Variants in TUBD1 observed in about 807,000 individuals in gnomAD.
The protein encoded by TUBD1 is tubulin delta chain.
Under a neutral mutation model 51.2 loss-of-function variants are expected in TUBD1, and 38 were observed. The ratio of observed to expected loss-of-function variants is 0.74; its 90% CI spans 0.57 to 0.97. The LOEUF (loss-of-function observed/expected upper bound fraction) is 0.97. Among genes scored for constraint, TUBD1 ranks in the 50% least tolerant of loss-of-function variants. TUBD1 has a pLI of 0.00. For synonymous variants in TUBD1, 169 were observed against 178.2 expected (o/e 0.95, Z 0.41); for missense variants, 489 against 538.4 (o/e 0.91, Z 0.91).
intron 5 of TUBD1, among the ~76,000 whole-genome samples, chr17:59,876,392 A>T (rs982399503): frequency 8.2e-6 from 1 of 121,800 alleles, no homozygotes; most frequent in Non-Finnish European, 1.7e-5. Context: ...TTTCGCTCTT[A>T]TTGCTCAGGC....
intron 5 of TUBD1, among the ~76,000 whole-genome samples, chr17:59,876,321 G>A (rs2040220884): frequency 1.3e-5 from 2 of 151,374 alleles, no homozygotes; most frequent in Admixed American, 6.6e-5. Context: ...TGAGATTATA[G>A]GTGCACACCA....
chr17:59,888,020 C>T (rs893205958), intron 2 of TUBD1, among the ~76,000 whole-genome samples: 3 of 151,840 alleles, frequency 2.0e-5, no homozygotes, highest in East Asian at 1.9e-4. Flanking sequence ...CTGCAAGCTC[C>T]GCCTCCTGGG....
intron 3 of TUBD1, chr17:59,885,697 T>C: frequency 1.7e-6 from 1 of 602,808 alleles, no homozygotes; most frequent in Non-Finnish European, 2.9e-6. Flanking sequence ...TCTCTCAAAG[T>C]GAGCCCTAGG....
intron 5 of TUBD1, among the ~76,000 whole-genome samples, chr17:59,875,073 CTTT>C (rs10679203): frequency 2.3e-5 from 2 of 87,290 alleles, no homozygotes; most frequent in Admixed American, 1.6e-4. Flanking sequence ...TTGTTATATT[CTTT>C]TTTTTTTTTT....
intron 6 of TUBD1, among the ~76,000 whole-genome samples, chr17:59,868,703 G>GC (rs2039833810): frequency 6.6e-6 from 1 of 152,044 alleles, no homozygotes; most frequent in Non-Finnish European, 1.5e-5. Flanking sequence ...TGGGCGTGGT[G>GC]GCACACGCCT....
intron 6 of TUBD1, among the ~76,000 whole-genome samples, chr17:59,867,520 C>A (rs2039763718): frequency 7.1e-6 from 1 of 140,542 alleles, no homozygotes; most frequent in Non-Finnish European, 1.5e-5. Flanking sequence ...CCAGCCTGGA[C>A]AAAATAGCAG....
intron 6 of TUBD1, among the ~76,000 whole-genome samples, chr17:59,868,249 A>G (rs2039804153): frequency 7.4e-6 from 1 of 134,706 alleles, no homozygotes; most frequent in African/African-American, 3.0e-5. Context: ...ATGCCACTGC[A>G]CTCCACCCTG....
At chr17:59,865,954 T>C (rs910864340) in intron 7 of TUBD1, among the ~76,000 whole-genome samples, 3 of 151,558 alleles carry the variant, frequency 2.0e-5, no homozygotes, top group Non-Finnish European at 4.4e-5. Context: ...CTACTAAAAA[T>C]ACAAAAATTA....
intron 6 of TUBD1, 82 bp downstream of exon 6, chr17:59,874,457 G>A (rs2144501711): frequency 2.8e-6 from 4 of 1,403,968 alleles, no homozygotes; most frequent in Non-Finnish European, 2.9e-6. Context: ...TATTTAAACT[G>A]GTCCAAGCCA....
chr17:59,883,282 T>C (rs2040572257), intron 3 of TUBD1, among the ~76,000 whole-genome samples: 1 of 151,446 alleles, frequency 6.6e-6, no homozygotes, highest in South Asian at 2.1e-4. Flanking sequence ...TTTTTAATAT[T>C]TTTTGAGATG....
rs76112765 is a variant in TUBD1 at position 59,890,847 on chromosome 17, A to G, written c.156T>C (p.Ser52=). The stretch of plus-strand genomic sequence containing the variant: ...CACACCTACCTCCATTCTCCTCCTC[A>G]CTGAAGAATCTTTCTTTGCAAGATG... ...YQASCKERFF[S]EEENGVPIAR... The change falls in exon 2 of 9, where the codon AGT becomes AGC. Residue 52 remains serine (S), a synonymous_variant. Coordinates refer to ENST00000325752, the MANE Select transcript of TUBD1 (RefSeq NM_016261.4). 4.4e-3 allele frequency: 7,167 copies of G among 1,612,772 alleles called. 272 individuals are homozygous for G. The African/African-American group carries it at 0.082, about 19-fold the overall frequency.
At chr17:59,880,122 A>G (rs1024315647) in intron 4 of TUBD1, among the ~76,000 whole-genome samples, 4 of 151,612 alleles carry the variant, frequency 2.6e-5, no homozygotes, top group Non-Finnish European at 4.4e-5. Flanking sequence ...CAGTGGCGGG[A>G]TATCAGCTCA....
intron 6 of TUBD1, among the ~76,000 whole-genome samples, chr17:59,872,608 T>C (rs1301615594): frequency 6.6e-6 from 1 of 152,016 alleles, no homozygotes; most frequent in Non-Finnish European, 1.5e-5. Context: ...CTCCCAAGTA[T>C]GTTAGAAGAA....
chr17:59,878,864 G>C (rs2040349208), intron 4 of TUBD1: 2 of 152,610 alleles, frequency 1.3e-5, no homozygotes, highest in African/African-American at 4.8e-5. Flanking sequence ...GCCTTGTATG[G>C]GCACAACAAA....
At chr17:59,876,553 C>T (rs920082660) in intron 5 of TUBD1, among the ~76,000 whole-genome samples, 6 of 151,824 alleles carry the variant, frequency 4.0e-5, no homozygotes, top group East Asian at 1.9e-4. Flanking sequence ...GACAGTGTTT[C>T]GCCATGTTAC....
chr17:59,891,430 C>T (rs543385798), intron 1 of TUBD1, among the ~76,000 whole-genome samples: 5 of 152,024 alleles, frequency 3.3e-5, no homozygotes, highest in Admixed American at 1.3e-4. Flanking sequence ...CCACCACGCC[C>T]GGCCCAAAAA....
chr17:59,887,457 AG>A (rs1426020536), intron 2 of TUBD1, among the ~76,000 whole-genome samples: 1 of 152,160 alleles, frequency 6.6e-6, no homozygotes, highest in Non-Finnish European at 1.5e-5. Flanking sequence ...TCCACACCAA[AG>A]GAACATCATA....
intron 6 of TUBD1, among the ~76,000 whole-genome samples, chr17:59,870,630 G>C (rs1025108911): frequency 6.6e-6 from 1 of 151,684 alleles, no homozygotes. Context: ...TCGCAGGAAA[G>C]TGTAACAGTC....
At chr17:59,872,332 C>T (rs2040018934) in intron 6 of TUBD1, among the ~76,000 whole-genome samples, 2 of 151,752 alleles carry the variant, frequency 1.3e-5, no homozygotes, top group Non-Finnish European at 2.9e-5. Context: ...TGGCCTCAAG[C>T]GATCCTCCTG....
Sources: allele counts gnomAD v4.1 joint callset (sites outside exome capture counted in the v4.1 genomes callset), GRCh38; gene constraint gnomAD v4.1.1; transcripts MANE v1.5; gene names NCBI Gene and HGNC (gene_info 2026-07-23, HGNC 2026-07-21).